MGLL: variants seen among roughly 807,000 people sequenced by gnomAD.
The protein encoded by MGLL is lysophospholipase homolog.
In MGLL, 7 loss-of-function variants were observed where a neutral mutation model predicts 29.1. The ratio of observed to expected loss-of-function variants is 0.24; its 90% CI spans 0.14 to 0.45. MGLL has a LOEUF of 0.45. Among genes scored for constraint, MGLL ranks in the 20% least tolerant of loss-of-function variants. The probability of loss-of-function intolerance (pLI) is 0.99; values close to 1 mark genes in which losing one functional copy is unlikely to be tolerated. For missense variants in MGLL, 356 were observed against 413.6 expected, an observed-to-expected ratio of 0.86 and a Z score of 1.21; for synonymous variants, 148 against 168.3, an observed-to-expected ratio of 0.88 and a Z score of 0.93.
chr3:127,689,947 A>T lies in MGLL; in HGVS notation c.*2251T>A, dbSNP rs1156933043. On this transcript the variant is annotated 3_prime_UTR_variant, in exon 8 of 8. Transcript: ENST00000265052. Reference sequence around the variant, plus strand: ...TGGTGATTCTTTAACCAGGAATGCAAATGCTACTGAAGTGCTGTGTGTGTC... The same window carrying T: ...TGGTGATTCTTTAACCAGGAATGCATATGCTACTGAAGTGCTGTGTGTGTC... 6.6e-6 allele frequency: 1 copy of T among 152,162 alleles called. No homozygotes were observed. The highest frequency in any genetic ancestry group is 1.5e-5 in the Non-Finnish European group (1 of 68,048). The allele number at this position is 152,162 out of a possible 1,614,324, so 9.4% of individuals were successfully genotyped here.
Position 127,746,140 on chromosome 3 carries a change from T to C in MGLL, c.263-23574A>G, listed in dbSNP as rs563573104. On this transcript the variant is annotated intron_variant, in intron 3 of 7. Coordinates refer to ENST00000265052, the MANE Select transcript of MGLL (RefSeq NM_007283.7). ...AGGGAGACTGGGGAAGAGGAGCCTG[T>C]GAGAACGCCTGGGATGGTGAGGATG... Among the ~76,000 whole-genome samples the C allele has an allele frequency of 2.6e-5, 4 of 152,144 alleles. 1 individual carries two copies. In the South Asian group the frequency reaches 8.3e-4, roughly 32 times the overall value.
intron 6 of MGLL, among the ~76,000 whole-genome samples, chr3:127,703,644 A>C (rs1275430203): frequency 1.3e-5 from 2 of 152,232 alleles, no homozygotes; most frequent in African/African-American, 2.4e-5. Flanking sequence ...TTTGGCAACA[A>C]CTTCTTGGAT....
chr3:127,774,674 G>A lies in MGLL; in HGVS notation c.262+7115C>T, dbSNP rs1163921288. Among the ~76,000 whole-genome samples the A allele has an allele frequency of 3.3e-5, 5 of 152,182 alleles. No individual in the cohort carries two copies. In the East Asian group the frequency reaches 5.8e-4, roughly 18 times the overall value. On this transcript the variant is annotated intron_variant, in intron 3 of 7. Transcript: ENST00000265052. ...GTGTCTAATAGATGCCTGGCGTTGTGTATGGTTTGTTACACACACTCTCTC... is the reference window on the plus strand; with the variant it reads ...GTGTCTAATAGATGCCTGGCGTTGTATATGGTTTGTTACACACACTCTCTC...
intron 2 of MGLL, among the ~76,000 whole-genome samples, chr3:127,784,260 A>AAAT (rs2077177060): frequency 3.3e-5 from 5 of 152,180 alleles, no homozygotes; most frequent in Admixed American, 3.3e-4. Flanking sequence ...AAAAAGGCTG[A>AAAT]TGCCTGGGTC....
At chr3:127,799,612 A>T (rs2077442483) in intron 2 of MGLL, 1 of 152,180 alleles carries the variant, frequency 6.6e-6, no homozygotes, top group Middle Eastern at 3.2e-3. Flanking sequence ...GAGTGAATGA[A>T]ATCCACCAGT....
intron 3 of MGLL, among the ~76,000 whole-genome samples, chr3:127,737,532 G>A (rs1244765437): frequency 2.0e-5 from 3 of 150,446 alleles, no homozygotes; most frequent in South Asian, 4.2e-4. Flanking sequence ...AGACCAAAGC[G>A]GCCCTGTATT....
intron 2 of MGLL, among the ~76,000 whole-genome samples, chr3:127,808,395 A>G (rs1000685607): frequency 6.6e-6 from 1 of 152,224 alleles, no homozygotes; most frequent in Non-Finnish European, 1.5e-5. Context: ...TCACACTTCT[A>G]GAGTCAACTT....
chr3:127,694,944 G>T (rs2075327803), intron 7 of MGLL, 31 bp downstream of exon 7: 1 of 1,603,226 alleles, frequency 6.2e-7, no homozygotes, highest in African/African-American at 1.3e-5. Flanking sequence ...CCTCCACCTT[G>T]GGGGGAAGTG....
At chr3:127,716,214 A>G (rs2075812812) in intron 5 of MGLL, among the ~76,000 whole-genome samples, 1 of 152,280 alleles carries the variant, frequency 6.6e-6, no homozygotes, top group South Asian at 2.1e-4. Flanking sequence ...GGAGACGCGA[A>G]GCAGGCACAT....
chr3:127,771,146 G>A (rs2076940821), intron 3 of MGLL, among the ~76,000 whole-genome samples: 1 of 152,150 alleles, frequency 6.6e-6, no homozygotes, highest in Non-Finnish European at 1.5e-5. Context: ...CCAAGCCCAT[G>A]TAAGCAGGAA....
chr3:127,706,496 G>A (rs2075604436), intron 6 of MGLL, among the ~76,000 whole-genome samples: 1 of 152,190 alleles, frequency 6.6e-6, no homozygotes. Flanking sequence ...GCAGGAGTGG[G>A]ACTGGGAGCG....
intron 2 of MGLL, among the ~76,000 whole-genome samples, chr3:127,805,927 TG>T (rs1310332900): frequency 6.6e-6 from 1 of 152,146 alleles, no homozygotes; most frequent in Non-Finnish European, 1.5e-5. Flanking sequence ...AAATAAAAAG[TG>T]GTTACAAAAG....
At chr3:127,722,934 T>C (rs1361718937) in intron 3 of MGLL, among the ~76,000 whole-genome samples, 1 of 152,182 alleles carries the variant, frequency 6.6e-6, no homozygotes, top group South Asian at 2.1e-4. Context: ...CGAAGAAGGC[T>C]CAGAATTTTC....
chr3:127,713,708 G>C (rs1249156964), intron 5 of MGLL: 2 of 152,264 alleles, frequency 1.3e-5, no homozygotes, highest in African/African-American at 2.4e-5. Flanking sequence ...CCTGGGCCTG[G>C]AGGTGCCAGT....
rs1439890311 is a variant in MGLL, at chr3:127,779,745, AAAG to A, written c.262+2041_262+2043del. ...CACTCCTTTCCCTCCCCAACCTTCTAAAGAAGGTTTGACCTGGGTTCAAATCCT... is the reference window on the plus strand; with the variant it reads ...CACTCCTTTCCCTCCCCAACCTTCTAAAGGTTTGACCTGGGTTCAAATCCT... On this transcript the variant is annotated intron_variant, in intron 3 of 7. Transcript: ENST00000265052. Among the ~76,000 whole-genome samples, 5 of 152,292 alleles carry A rather than the reference AAAG, an allele frequency of 3.3e-5. No homozygotes were observed. The East Asian group carries it at 7.7e-4, about 23-fold the overall frequency.
At chr3:127,720,401 C>G (rs991796330) in intron 5 of MGLL, among the ~76,000 whole-genome samples, 6 of 152,214 alleles carry the variant, frequency 3.9e-5, no homozygotes, top group African/African-American at 1.4e-4. Flanking sequence ...GCCAGAGTCA[C>G]AAGCAAGCCG....
rs1177051456 is a variant in MGLL at position 127,761,148 on chromosome 3, G to A, written c.262+20641C>T. The stretch of plus-strand genomic sequence containing the variant: ...TATGAGCAAGGTGCCACACAGATGC[G>A]GAGAGCAGAGGCCCCAGTTGCTGTG... On this transcript the variant is annotated intron_variant, in intron 3 of 7. Transcript: ENST00000265052. The surrounding 1 kb of genome is among the most constrained non-coding windows in gnomAD (Gnocchi z 4.6). 2.6e-5 allele frequency among the ~76,000 whole-genome samples: 4 copies of A among 152,232 alleles called. No homozygotes were observed. The highest frequency in any genetic ancestry group is 2.0e-4 in the Admixed American group (3 of 15,290).
At chr3:127,813,877 C>G (rs62270490) in intron 2 of MGLL, among the ~76,000 whole-genome samples, 23,708 of 152,138 alleles carry the variant, frequency 0.16, 2,262 homozygotes, top group East Asian at 0.25. Context: ...TCAGGGACAG[C>G]TGCTGATCTC....
At chr3:127,754,361 A>AG (rs72223831) in intron 3 of MGLL, among the ~76,000 whole-genome samples, 32,661 of 149,964 alleles carry the variant, frequency 0.22, 3,751 homozygotes, top group African/African-American at 0.29. Context: ...TAAGAAAGAA[A>AG]AAAAAAACCA....
Sources: allele counts gnomAD v4.1 joint callset (sites outside exome capture counted in the v4.1 genomes callset), GRCh38; gene constraint gnomAD v4.1.1; non-coding constraint Gnocchi (gnomAD v3.1); transcripts MANE v1.5; gene names NCBI Gene and HGNC (gene_info 2026-07-23, HGNC 2026-07-21).